Variants in DNM1L observed in about 807,000 individuals in gnomAD.
The protein encoded by DNM1L is dynamin 1L.
DNM1L carries 33 observed loss-of-function variants against 92.8 expected under a neutral mutation model. The observed-to-expected ratio is 0.36, with a 90% CI of 0.27 to 0.48. DNM1L has a LOEUF of 0.48. Among genes scored for constraint, DNM1L ranks in the 20% least tolerant of loss-of-function variants. The pLI is 0.99. For synonymous variants in DNM1L, 284 were observed against 305.0 expected, an observed-to-expected ratio of 0.93 and a Z score of 0.72; for missense variants, 485 against 888.8, an observed-to-expected ratio of 0.55 and a Z score of 5.78.
In DNM1L at chr12:32,743,681, C is replaced by G. The variant is rs1020670; in HGVS notation, c.*271C>G. 0.13 allele frequency: 61,707 copies of G among 465,232 alleles called. 4,382 individuals are homozygous for G. The highest frequency in any genetic ancestry group is 0.2 in the African/African-American group (10,375 of 51,206). The allele number at this position is 465,232 out of a possible 1,614,324, so 28.8% of individuals were successfully genotyped here. On this transcript the variant is annotated 3_prime_UTR_variant, in exon 20 of 20. Transcript: ENST00000549701. ...GTTTCATCTGAACTTAACTTAAAAA[C>G]AACTGTTAATGTTCTAGTTGTGCAA...
intron 2 of DNM1L, chr12:32,705,915 T>G: frequency 6.6e-7 from 1 of 1,518,936 alleles, no homozygotes; most frequent in Non-Finnish European, 9.0e-7. Flanking sequence ...TGCCTGCATG[T>G]GTGCTTATGT....
intron 1 of DNM1L, among the ~76,000 whole-genome samples, chr12:32,687,089 T>TTGTTAG (rs1383213506): frequency 6.6e-6 from 1 of 151,994 alleles, no homozygotes; most frequent in East Asian, 1.9e-4. Context: ...CCTTGTCTTT[T>TTGTTAG]TGCTTCCTTG....
Position 32,731,955 on chromosome 12 carries a change from T to C in DNM1L, c.1446+12T>C, listed in dbSNP as rs1565535204. The C allele has an allele frequency of 6.3e-7, 1 of 1,595,810 alleles. No individual in the cohort carries two copies. Among genetic ancestry groups the C allele is most frequent in the Non-Finnish European group, 8.6e-7 (1 of 1,163,602 alleles). ...TTACAAATGAAATGGTGAGCTACTA[T>C]AGCATAGATCATTGTAATTACTATT... is the stretch of plus-strand genomic sequence containing the variant. On this transcript the variant is annotated intron_variant, in intron 12 of 19. Coordinates refer to ENST00000549701, the MANE Select transcript of DNM1L (RefSeq NM_012062.5). The surrounding 1 kb of genome is among the most constrained non-coding windows in gnomAD (Gnocchi z 5.1).
At position 32,723,862 on chromosome 12, in the gene DNM1L, A is replaced by C. The variant is rs185938579; in HGVS notation, c.1079+1229A>C. On this transcript the variant is annotated intron_variant, in intron 9 of 19. Coordinates refer to ENST00000549701, the MANE Select transcript of DNM1L (RefSeq NM_012062.5). ...CTATTATAATTGGTTAAGGATTTCC[A>C]GTAGTAAGTTAAAATCTCAGGAGAG... Among the ~76,000 whole-genome samples the C allele has an allele frequency of 1.8e-3, 281 of 152,334 alleles. 5 individuals are homozygous for C. Among genetic ancestry groups the C allele is most frequent in the Non-Finnish European group, 1.0e-3 (70 of 68,026 alleles).
Position 32,743,952 on chromosome 12 carries a change from T to C in DNM1L, c.*542T>C, listed in dbSNP as rs1281688371. 2.5e-5 allele frequency: 4 copies of C among 157,630 alleles called. No individual in the cohort carries two copies. The highest frequency in any genetic ancestry group is 1.4e-5 in the Non-Finnish European group (1 of 71,204). 9.8% of individuals were successfully genotyped at this position (157,630 alleles called of 1,614,324 possible). On this transcript the variant is annotated 3_prime_UTR_variant, in exon 20 of 20. Coordinates refer to ENST00000549701, the MANE Select transcript of DNM1L (RefSeq NM_012062.5). ...CTTCTTTGCAGCCTTTGATGTGTTT[T>C]TAAGAAAGCTGAATGCACAAGAGGA... is the stretch of plus-strand genomic sequence containing the variant.
At chr12:32,705,630 T>G in intron 2 of DNM1L, 1 of 483,136 alleles carries the variant, frequency 2.1e-6, no homozygotes, top group Non-Finnish European at 3.6e-6. Flanking sequence ...TCTAGTTGTA[T>G]TTTGCACTGC....
chr12:32,721,394 C>G (rs1380723460), intron 8 of DNM1L, among the ~76,000 whole-genome samples: 1 of 151,800 alleles, frequency 6.6e-6, no homozygotes, highest in Non-Finnish European at 1.5e-5. Context: ...TGCTGGGTAC[C>G]AATTGTAAAT....
chr12:32,740,563 T>C, intron 18 of DNM1L, 45 bp downstream of exon 18: 2 of 1,481,122 alleles, frequency 1.4e-6, no homozygotes, highest in African/African-American at 1.4e-5. Context: ...TACTTCTGGA[T>C]GATTCTGTGA....
chr12:32,733,944 C>A lies in DNM1L; in HGVS notation c.1539+137C>A. ...TGCCTGCTGCATGTCAGGAAATATGCTGAGGGGATTACATTGTTTTCTTAA... is the reference window on the plus strand; with the variant it reads ...TGCCTGCTGCATGTCAGGAAATATGATGAGGGGATTACATTGTTTTCTTAA... On this transcript the variant is annotated intron_variant, in intron 13 of 19. Coordinates refer to ENST00000549701, the MANE Select transcript of DNM1L (RefSeq NM_012062.5). The A allele has an allele frequency of 4.1e-6, 3 of 739,916 alleles. No individual in the cohort carries two copies. In the East Asian group the frequency reaches 7.9e-5, roughly 19 times the overall value. The allele number at this position is 739,916 out of a possible 1,614,324, so 45.8% of individuals were successfully genotyped here. A position where few individuals can be genotyped will look rare whatever the true frequency, so the allele number is the denominator to read the frequency against.
At chr12:32,699,608 G>C (rs11052190) in intron 1 of DNM1L, among the ~76,000 whole-genome samples, 53,631 of 151,474 alleles carry the variant, frequency 0.35, 10,943 homozygotes, top group African/African-American at 0.56. Flanking sequence ...CCAGCCTGGC[G>C]CACATGGTGA....
chr12:32,729,202 C>T (rs911392603), intron 9 of DNM1L, among the ~76,000 whole-genome samples: 1 of 152,114 alleles, frequency 6.6e-6, no homozygotes, highest in African/African-American at 2.4e-5. Flanking sequence ...CCGCTTCAGC[C>T]TCCCGAGTAG....
Position 32,731,143 on chromosome 12 carries a change from G to A in DNM1L, c.1200+9G>A, listed in dbSNP as rs755263994. ...CCATTAGAAATGCTACTGTGAGTAT[G>A]TTTAGCTTTTTAGACTGTAAAAAAA... On this transcript the variant is annotated intron_variant, in intron 10 of 19. Coordinates refer to ENST00000549701, the MANE Select transcript of DNM1L (RefSeq NM_012062.5). The surrounding 1 kb of genome is among the most constrained non-coding windows in gnomAD (Gnocchi z 5.1). The A allele has an allele frequency of 3.0e-5, 48 of 1,613,778 alleles. 1 individual carries two copies. The Admixed American group carries it at 5.3e-4, about 18-fold the overall frequency.
chr12:32,688,891 A>T (rs893239234), intron 1 of DNM1L, among the ~76,000 whole-genome samples: 9 of 152,182 alleles, frequency 5.9e-5, no homozygotes, highest in African/African-American at 1.9e-4. Flanking sequence ...TTTGGGTATT[A>T]AGTTCATATA....
At chr12:32,713,457 G>A (rs760798591) in intron 6 of DNM1L, 86 bp downstream of exon 6, 2 of 1,398,748 alleles carry the variant, frequency 1.4e-6, no homozygotes, top group Non-Finnish European at 2.0e-6. Context: ...TTTAAAAACA[G>A]TATCTCTGGT....
chr12:32,717,835 T>C lies in DNM1L; in HGVS notation c.620-808T>C, dbSNP rs1378515850. On this transcript the variant is annotated intron_variant, in intron 6 of 19. Coordinates refer to ENST00000549701, the MANE Select transcript of DNM1L (RefSeq NM_012062.5). ...TATACTATAAAATATATATAGTATA[T>C]ACTATATATATTTTATAAATATACT... Among the ~76,000 whole-genome samples the C allele has an allele frequency of 1.8e-5, 2 of 110,700 alleles. 1 individual carries two copies. The highest frequency in any genetic ancestry group is 7.3e-5 in the African/African-American group (2 of 27,266). 72.6% of individuals were successfully genotyped at this position (110,700 alleles called of 152,430 possible).
chr12:32,691,692 AC>A (rs1952241844), intron 1 of DNM1L, among the ~76,000 whole-genome samples: 2 of 152,190 alleles, frequency 1.3e-5, no homozygotes, highest in South Asian at 4.1e-4. Context: ...CAGATCAAAA[AC>A]ATATGTTACG....
chr12:32,683,841 C>T (rs1951895537), intron 1 of DNM1L, among the ~76,000 whole-genome samples: 1 of 152,042 alleles, frequency 6.6e-6, no homozygotes, highest in South Asian at 2.1e-4. Flanking sequence ...CTGTGCTCGG[C>T]CTAATTTTTG....
At chr12:32,712,195 T>G (rs1294850397) in intron 5 of DNM1L, among the ~76,000 whole-genome samples, 1 of 152,184 alleles carries the variant, frequency 6.6e-6, no homozygotes, top group African/African-American at 2.4e-5. Flanking sequence ...TCAAAACTTC[T>G]CCAGTTCCTT....
rs1340881344 is a variant in DNM1L, at chr12:32,736,075, T to TC, written c.1540-1030_1540-1029insC. ...TTCTATATCTTCATAATCTTTTTTT[T>TC]TTTTTTTTTTTTTTAAGACAGAGTC... On this transcript the variant is annotated intron_variant, in intron 13 of 19. Coordinates refer to ENST00000549701, the MANE Select transcript of DNM1L (RefSeq NM_012062.5). Among the ~76,000 whole-genome samples the TC allele has an allele frequency of 8.1e-5, 12 of 147,444 alleles. No individual in the cohort carries two copies. The East Asian group carries it at 9.9e-4, about 12-fold the overall frequency.
Sources: allele counts gnomAD v4.1 joint callset (sites outside exome capture counted in the v4.1 genomes callset), GRCh38; gene constraint gnomAD v4.1.1; non-coding constraint Gnocchi (gnomAD v3.1); transcripts MANE v1.5; gene names NCBI Gene and HGNC (gene_info 2026-07-23, HGNC 2026-07-21).